Variants in PDE1A observed in about 807,000 individuals in gnomAD.
PDE1A encodes the protein dual specificity calcium/calmodulin-dependent 3',5'-cyclic nucleotide phosphodiesterase 1A.
A neutral mutation model predicts 61.7 loss-of-function variants in PDE1A; 35 were observed. The ratio of observed to expected loss-of-function variants is 0.57; its 90% confidence interval spans 0.43 to 0.75. The LOEUF is 0.75. Ranked by LOEUF, PDE1A falls within the 30% of genes least tolerant of loss-of-function variation. The pLI, the probability that PDE1A is intolerant of heterozygous loss-of-function variation, is 0.00. For missense variants in PDE1A, 597 were observed against 630.6 expected (o/e 0.95, Z 0.57); for synonymous variants, 232 against 213.2 (o/e 1.09, Z -0.77).
rs77406693 is a variant in PDE1A at position 182,484,282 on chromosome 2, A to T, written c.101+37994T>A. On this transcript the variant is annotated intron_variant, in intron 2 of 14. Coordinates refer to the PDE1A transcript ENST00000410103. ...AACCCAAAGATACCACAAGAAAAGA[A>T]AACTATAGAACAATACTTTTCATAA... Among the ~76,000 whole-genome samples the T allele has an allele frequency of 5.6e-3, 852 of 152,174 alleles. 9 individuals carry two copies. The highest frequency in any genetic ancestry group is 9.5e-3 in the Non-Finnish European group (644 of 67,978).
intron 13 of PDE1A, among the ~76,000 whole-genome samples, chr2:182,149,684 A>G (rs1324714329): frequency 6.6e-6 from 1 of 152,178 alleles, no homozygotes; most frequent in Non-Finnish European, 1.5e-5. Context: ...TTCATAAAAA[A>G]AGAAGTCATT....
intron 2 of PDE1A, among the ~76,000 whole-genome samples, chr2:182,246,900 G>A (rs1274922434): frequency 6.6e-6 from 1 of 152,200 alleles, no homozygotes; most frequent in African/African-American, 2.4e-5. Flanking sequence ...ACACAGAGCA[G>A]GGGGTCAATA....
intron 2 of PDE1A, among the ~76,000 whole-genome samples, chr2:182,437,044 A>G (rs1032973318): frequency 6.6e-6 from 1 of 152,012 alleles, no homozygotes; most frequent in Non-Finnish European, 1.5e-5. Context: ...GTTTGGGTCA[A>G]TCTCACAATA....
At position 182,219,914 on chromosome 2, in the gene PDE1A, A is replaced by G. The variant is rs184749713; in HGVS notation, c.776+3950T>C. ...TATATACCATAAATGTACACAATAA[A>G]AACTATTTAATAACAACAGAGAAAA... is the stretch of plus-strand genomic sequence containing the variant. On this transcript the variant is annotated intron_variant, in intron 7 of 13. Transcript: ENST00000351439. Among the ~76,000 whole-genome samples the G allele has an allele frequency of 4.6e-5, 7 of 152,228 alleles. No individual in the cohort carries two copies. The East Asian group carries it at 1.4e-3, about 29-fold the overall frequency.
intron 1 of PDE1A, among the ~76,000 whole-genome samples, chr2:182,392,511 C>T (rs568465723): frequency 1.3e-5 from 2 of 152,328 alleles, no homozygotes; most frequent in Admixed American, 1.3e-4. Context: ...CATGTCCTCA[C>T]ATTTCCAAAC....
chr2:182,181,016 T>C (rs1431490835), intron 13 of PDE1A, among the ~76,000 whole-genome samples: 1 of 152,076 alleles, frequency 6.6e-6, no homozygotes, highest in East Asian at 1.9e-4. Flanking sequence ...TTAGCTTCTT[T>C]GCATTGGGTT....
intron 1 of PDE1A, among the ~76,000 whole-genome samples, chr2:182,340,949 C>T (rs538072316): frequency 2.0e-5 from 3 of 152,220 alleles, no homozygotes; most frequent in African/African-American, 7.2e-5. Context: ...AAGGTGTCTT[C>T]CTGTTCTCTG....
intron 1 of PDE1A, among the ~76,000 whole-genome samples, chr2:182,389,013 A>G (rs907189552): frequency 2.6e-5 from 4 of 152,144 alleles, no homozygotes; most frequent in African/African-American, 4.8e-5. Context: ...AACAATTGTA[A>G]AAGAGGACTT....
At chr2:182,266,684 G>A (rs984473979) in intron 1 of PDE1A, among the ~76,000 whole-genome samples, 2 of 152,150 alleles carry the variant, frequency 1.3e-5, no homozygotes, top group Admixed American at 1.3e-4. Flanking sequence ...TGATGTGCAT[G>A]GAGGTTGTTG....
chr2:182,668,436 C>T, the PDE1A span, among the ~76,000 whole-genome samples: 9 of 150,992 alleles, frequency 6.0e-5, no homozygotes, highest in South Asian at 1.3e-3. Flanking sequence ...AGCATGAGAC[C>T]GAAAAAAAGG....
At chr2:182,422,503 A>T (rs1304163698) in intron 1 of PDE1A, among the ~76,000 whole-genome samples, 3 of 152,188 alleles carry the variant, frequency 2.0e-5, no homozygotes, top group Non-Finnish European at 4.4e-5. Flanking sequence ...TTACTGGTGC[A>T]ATTTTACTAG....
chr2:182,555,387 C>T, the PDE1A span, among the ~76,000 whole-genome samples: 13 of 152,158 alleles, frequency 8.5e-5, no homozygotes, highest in East Asian at 3.8e-4. Context: ...AACTTCTAAT[C>T]GGTGTGGATG....
intron 13 of PDE1A, among the ~76,000 whole-genome samples, chr2:182,176,034 A>T (rs1051602289): frequency 4.0e-5 from 6 of 148,932 alleles, no homozygotes; most frequent in Non-Finnish European, 8.8e-5. Context: ...GTTCTGTTCC[A>T]TTGATCTATA....
chr2:182,312,278 C>A (rs1189585431), intron 1 of PDE1A, among the ~76,000 whole-genome samples: 1 of 152,044 alleles, frequency 6.6e-6, no homozygotes, highest in Non-Finnish European at 1.5e-5. Flanking sequence ...TTTCAAGGAG[C>A]AAACCTTTGT....
At chr2:182,644,165 T>G in the PDE1A span, among the ~76,000 whole-genome samples, 1 of 60,096 alleles carries the variant, frequency 1.7e-5, no homozygotes, top group Non-Finnish European at 3.9e-5. Flanking sequence ...ACACAGAGCC[T>G]TGTAATGAGC....
intron 2 of PDE1A, among the ~76,000 whole-genome samples, chr2:182,482,586 C>T (rs1422451173): frequency 1.3e-5 from 2 of 151,914 alleles, no homozygotes; most frequent in African/African-American, 2.4e-5. Flanking sequence ...AAATCAACCA[C>T]GGGCAAACAG....
the PDE1A span, among the ~76,000 whole-genome samples, chr2:182,558,569 C>T: frequency 2.0e-5 from 3 of 152,144 alleles, no homozygotes; most frequent in Non-Finnish European, 2.9e-5. Flanking sequence ...GGTACAAGAT[C>T]ATGTCAGTTT....
intron 1 of PDE1A, among the ~76,000 whole-genome samples, chr2:182,305,610 T>A (rs1695529171): frequency 6.6e-6 from 1 of 152,142 alleles, no homozygotes; most frequent in Non-Finnish European, 1.5e-5. Context: ...ATAAAGAGAT[T>A]ATAAAGTTTA....
intron 13 of PDE1A, among the ~76,000 whole-genome samples, chr2:182,174,680 A>C (rs1423760018): frequency 6.6e-6 from 1 of 152,216 alleles, no homozygotes; most frequent in African/African-American, 2.4e-5. Context: ...TTAACACCTT[A>C]AGATTGTCCT....
Sources: allele counts gnomAD v4.1 joint callset (sites outside exome capture counted in the v4.1 genomes callset), GRCh38; gene constraint gnomAD v4.1.1; transcripts MANE v1.5; gene names NCBI Gene and HGNC (gene_info 2026-07-23, HGNC 2026-07-21).